Variants in KAZN observed in about 807,000 individuals in gnomAD.
The protein encoded by KAZN is kazrin.
Under a neutral mutation model 87.4 loss-of-function variants are expected in KAZN, and 40 were observed. The observed-to-expected ratio is 0.46, with a 90% CI of 0.36 to 0.60. KAZN has a LOEUF of 0.60. Among genes scored for constraint, KAZN ranks in the 20% least tolerant of loss-of-function variants. The pLI is 0.00. For missense variants in KAZN, 898 were observed against 1,073.9 expected, an observed-to-expected ratio of 0.84 and a Z score of 2.29; for synonymous variants, 466 against 458.3, an observed-to-expected ratio of 1.02 and a Z score of -0.22.
Position 14,920,574 on chromosome 1 carries a change from C to A in KAZN, c.227-40110C>A, listed in dbSNP as rs147613603. ...ACAGAGTGAGCCAAGTTGTATCCAG[C>A]CTCAATTCCCAGCATCTCCCAGGGG... On this transcript the variant is annotated intron_variant, in intron 1 of 14. Coordinates refer to ENST00000376030, the MANE Select transcript of KAZN (RefSeq NM_201628.3). 4.1e-3 allele frequency among the ~76,000 whole-genome samples: 622 copies of A among 152,228 alleles called. 4 individuals carry two copies. The highest frequency in any genetic ancestry group is 6.9e-3 in the Non-Finnish European group (469 of 68,018).
intron 1 of KAZN, among the ~76,000 whole-genome samples, chr1:14,031,712 C>T (rs778272129): frequency 3.3e-5 from 5 of 152,166 alleles, no homozygotes; most frequent in African/African-American, 7.2e-5. Flanking sequence ...AATTCTTTGA[C>T]GCTACTTTTA....
chr1:14,911,010 C>T (rs891735942), intron 1 of KAZN, among the ~76,000 whole-genome samples: 1 of 152,174 alleles, frequency 6.6e-6, no homozygotes, highest in African/African-American at 2.4e-5. Flanking sequence ...CAGCTCACAC[C>T]ACTCCTGAGC....
chr1:14,171,781 A>G (rs868077141), intron 1 of KAZN, among the ~76,000 whole-genome samples: 1 of 152,192 alleles, frequency 6.6e-6, no homozygotes, highest in African/African-American at 2.4e-5. Context: ...CATCTCAGTG[A>G]CATCTGGACT....
intron 1 of KAZN, among the ~76,000 whole-genome samples, chr1:13,982,297 AC>A (rs1357570378): frequency 3.3e-5 from 5 of 151,984 alleles, no homozygotes; most frequent in African/African-American, 1.2e-4. Flanking sequence ...GAAGCCGTGA[AC>A]CCTCACGGTG....
chr1:14,039,632 A>T (rs1459798366), intron 1 of KAZN, among the ~76,000 whole-genome samples: 1 of 152,244 alleles, frequency 6.6e-6, no homozygotes, highest in Non-Finnish European at 1.5e-5. Flanking sequence ...TACACAGTAT[A>T]GTTTAGCAAT....
intron 1 of KAZN, among the ~76,000 whole-genome samples, chr1:14,756,015 GGGA>G (rs1644554618): frequency 6.6e-6 from 1 of 152,292 alleles, no homozygotes; most frequent in African/African-American, 2.4e-5. Context: ...TCCACTGCAG[GGGA>G]GGAGAAGAGG....
At chr1:15,007,056 CA>C (rs35245453) in intron 2 of KAZN, among the ~76,000 whole-genome samples, 76 of 67,900 alleles carry the variant, frequency 1.1e-3, no homozygotes, top group Non-Finnish European at 1.5e-3. Flanking sequence ...GACTCCGTCT[CA>C]AAAAAAAAAA....
intron 2 of KAZN, among the ~76,000 whole-genome samples, chr1:14,514,413 TAAA>T (rs1419589909): frequency 1.1e-4 from 3 of 28,004 alleles, no homozygotes; most frequent in African/African-American, 2.0e-4. Flanking sequence ...ATATAATATA[TAAA>T]TATATATATA....
At chr1:14,462,263 A>T (rs750700704) in intron 2 of KAZN, among the ~76,000 whole-genome samples, 10 of 151,828 alleles carry the variant, frequency 6.6e-5, no homozygotes, top group Non-Finnish European at 1.2e-4. Flanking sequence ...AGGACAAGGG[A>T]CTAAGAGTGG....
chr1:13,985,435 T>TCTCAGTAAACTATCGTG (rs1553181645), intron 1 of KAZN, among the ~76,000 whole-genome samples: 1 of 150,922 alleles, frequency 6.6e-6, no homozygotes, highest in Non-Finnish European at 1.5e-5. Flanking sequence ...AAATCATCAT[T>TCTCAGTAAACTATCGTG]CTCAGTAAAC....
At chr1:14,280,130 A>AG (rs2100711875) in intron 2 of KAZN, among the ~76,000 whole-genome samples, 1 of 152,168 alleles carries the variant, frequency 6.6e-6, no homozygotes, top group South Asian at 2.1e-4. Flanking sequence ...CGGGAGGCTG[A>AG]GGTGGGTGGA....
At chr1:14,822,698 G>A (rs1205865149) in intron 1 of KAZN, among the ~76,000 whole-genome samples, 4 of 152,204 alleles carry the variant, frequency 2.6e-5, no homozygotes, top group Non-Finnish European at 5.9e-5. Context: ...GGATGCCCCA[G>A]TGGCCTTCTC....
intron 2 of KAZN, among the ~76,000 whole-genome samples, chr1:14,234,032 A>G (rs143845517): frequency 4.6e-5 from 7 of 152,322 alleles, no homozygotes; most frequent in Non-Finnish European, 7.3e-5. Context: ...CATTTGACCC[A>G]GCAATCCCAT....
At chr1:14,404,511 A>C (rs1003760622) in intron 2 of KAZN, among the ~76,000 whole-genome samples, 1 of 152,198 alleles carries the variant, frequency 6.6e-6, no homozygotes, top group Non-Finnish European at 1.5e-5. Flanking sequence ...CTAAACAACA[A>C]CAAAAAAATG....
intron 2 of KAZN, among the ~76,000 whole-genome samples, chr1:14,185,522 T>G (rs188234464): frequency 1.3e-5 from 2 of 152,332 alleles, no homozygotes; most frequent in East Asian, 3.9e-4. Context: ...GCAAAAGCAA[T>G]GCTTATTTTC....
chr1:14,766,587 G>T (rs1280708875), intron 1 of KAZN, among the ~76,000 whole-genome samples: 1 of 148,738 alleles, frequency 6.7e-6, no homozygotes, highest in Non-Finnish European at 1.5e-5. Flanking sequence ...TGGGGAGGTG[G>T]CTTGGTTCCG....
At chr1:13,956,296 CTTTTCT>C (rs1319222563) in intron 1 of KAZN, among the ~76,000 whole-genome samples, 1 of 122,906 alleles carries the variant, frequency 8.1e-6, no homozygotes, top group African/African-American at 3.3e-5. Context: ...TACATCATTT[CTTTTCT>C]TTTTTTTCTT....
intron 1 of KAZN, among the ~76,000 whole-genome samples, chr1:14,630,695 C>G (rs1480634692): frequency 6.6e-6 from 1 of 152,160 alleles, no homozygotes; most frequent in African/African-American, 2.4e-5. Context: ...AATGATTCCC[C>G]TACCCCAAGT....
At chr1:14,657,549 G>A (rs1638888786) in intron 1 of KAZN, among the ~76,000 whole-genome samples, 2 of 152,344 alleles carry the variant, frequency 1.3e-5, no homozygotes, top group East Asian at 1.9e-4. Flanking sequence ...CACTTGGGCT[G>A]TGTGAGTTGC....
Sources: gnomAD v4.1 joint callset for allele counts (sites outside exome capture counted in the v4.1 genomes callset) on GRCh38, gnomAD v4.1.1 for gene constraint, MANE v1.5 for transcripts, NCBI Gene and HGNC (gene_info 2026-07-23, HGNC 2026-07-21) for gene names.